OSBPL3: variants seen among roughly 807,000 people sequenced by gnomAD.
The protein encoded by OSBPL3 is oxysterol binding protein like 3, also known as oxysterol-binding protein-related protein 3.
A neutral mutation model predicts 120.1 loss-of-function variants in OSBPL3; 65 were observed. That is an observed-to-expected ratio of 0.54 (90% CI 0.44 to 0.67). The LOEUF (loss-of-function observed/expected upper bound fraction) is 0.67. Among genes scored for constraint, OSBPL3 ranks in the 30% least tolerant of loss-of-function variants. OSBPL3 has a pLI of 0.00. For missense variants in OSBPL3, 1,004 were observed against 1,082.1 expected (o/e 0.93, Z 1.01); for synonymous variants, 416 against 402.6 (o/e 1.03, Z -0.40).
In OSBPL3 at chr7:24,819,840, A is replaced by G. The variant is rs190791687; in HGVS notation, c.1948+335T>C. Among the ~76,000 whole-genome samples the G allele has an allele frequency of 1.5e-3, 223 of 152,372 alleles. 1 individual carries two copies. Among genetic ancestry groups the G allele is most frequent in the African/African-American group, 5.0e-3 (209 of 41,586 alleles). ...TGAAAAGAAGTAAGCAATGTAAAAC[A>G]CGACTTCAGAAATAAAATTTAAGTT... On this transcript the variant is annotated intron_variant, in intron 17 of 22. Transcript: ENST00000313367. This position sits in a 1 kb window ranked among gnomAD's most constrained non-coding sequence, Gnocchi z 4.1.
At position 24,802,424 on chromosome 7, in the gene OSBPL3, T is replaced by A. The variant is rs1175400594; in HGVS notation, c.2567+1891A>T. On this transcript the variant is annotated intron_variant, in intron 22 of 22. Transcript: ENST00000313367. This position sits in a 1 kb window ranked among gnomAD's most constrained non-coding sequence, Gnocchi z 4.1. ...AAAAAAATTTTCCCATCTAATACTA[T>A]GATCATTTTACAGACAGTCAAAAAG... Among the ~76,000 whole-genome samples, 1 of 152,226 alleles carries A rather than the reference T, an allele frequency of 6.6e-6. No homozygotes were observed. Among genetic ancestry groups the A allele is most frequent in the Admixed American group, 6.5e-5 (1 of 15,286 alleles).
At chr7:24,841,712 A>G (rs1464515187) in intron 13 of OSBPL3, among the ~76,000 whole-genome samples, 2 of 146,864 alleles carry the variant, frequency 1.4e-5, no homozygotes, top group African/African-American at 5.0e-5. Flanking sequence ...AAAAAAAAAA[A>G]AAAAAAAAAG....
Position 24,899,923 on chromosome 7 carries a change from G to C in OSBPL3, c.-149-7302C>G, listed in dbSNP as rs1358969555. Among the ~76,000 whole-genome samples the C allele has an allele frequency of 7.9e-5, 12 of 152,142 alleles. No homozygotes were observed. Among genetic ancestry groups the C allele is most frequent in the Admixed American group, 7.9e-4 (12 of 15,286 alleles). On this transcript the variant is annotated intron_variant, in intron 1 of 22. Transcript: ENST00000313367. This position sits in a 1 kb window ranked among gnomAD's most constrained non-coding sequence, Gnocchi z 4.0. Reference sequence around the variant, plus strand: ...TTAACACATGCCCTGGGTGATTTTTGCTTAAAGTTTGAGAACGTAACTGAC... The same window carrying C: ...TTAACACATGCCCTGGGTGATTTTTCCTTAAAGTTTGAGAACGTAACTGAC...
In OSBPL3 at chr7:24,946,244, G is replaced by A. The variant is rs777593905; in HGVS notation, c.-150+33642C>T. 5.3e-5 allele frequency among the ~76,000 whole-genome samples: 8 copies of A among 152,162 alleles called. No individual in the cohort carries two copies. Among genetic ancestry groups the A allele is most frequent in the Non-Finnish European group, 1.2e-4 (8 of 68,026 alleles). On this transcript the variant is annotated intron_variant, in intron 1 of 22. Transcript: ENST00000313367. This position sits in a 1 kb window ranked among gnomAD's most constrained non-coding sequence, Gnocchi z 4.3. ...ATACTTCTACTTGGCAGTTAGCATGGTCAGAGCTAATGTCCCAAGAGAAGT... is the reference window on the plus strand; with the variant it reads ...ATACTTCTACTTGGCAGTTAGCATGATCAGAGCTAATGTCCCAAGAGAAGT...
chr7:24,954,374 A>G (rs934173808), intron 1 of OSBPL3, among the ~76,000 whole-genome samples: 43 of 152,224 alleles, frequency 2.8e-4, no homozygotes, highest in Non-Finnish European at 1.5e-4. Context: ...AATAGCTTTA[A>G]AAGTTCTATA....
intron 12 of OSBPL3, among the ~76,000 whole-genome samples, chr7:24,843,417 G>A (rs1001193450): frequency 2.0e-5 from 3 of 152,136 alleles, no homozygotes; most frequent in Non-Finnish European, 4.4e-5. Context: ...TTTTTATTGG[G>A]CTAACAAAGG....
intron 1 of OSBPL3, among the ~76,000 whole-genome samples, 172 bp downstream of exon 1, chr7:24,979,714 A>C (rs930271957): frequency 1.3e-5 from 2 of 151,970 alleles, no homozygotes; most frequent in Non-Finnish European, 2.9e-5. Context: ...GCCGGCACCC[A>C]AGCTCCCAGG....
chr7:24,892,574 C>A lies in OSBPL3; in HGVS notation c.-102G>T. ...AGTGGCAGGTGGTTTAGCTCTTATC[C>A]AAAGTATTTAAAAAACATTTTGGGT... On this transcript the variant is annotated 5_prime_UTR_variant, in exon 2 of 23. It introduces an in-frame stop codon into an upstream open reading frame of the 5' UTR. Coordinates refer to ENST00000313367, the MANE Select transcript of OSBPL3 (RefSeq NM_015550.4). The A allele has an allele frequency of 6.9e-7, 1 of 1,459,806 alleles. No individual in the cohort carries two copies. 90.4% of individuals were successfully genotyped at this position (1,459,806 alleles called of 1,614,324 possible).
chr7:24,847,059 C>CAAAAAAAAAAAAAAAA (rs10712873), intron 12 of OSBPL3, among the ~76,000 whole-genome samples: 1 of 106,268 alleles, frequency 9.4e-6, no homozygotes. Context: ...GACTCTGTCT[C>CAAAAAAAAAAAAAAAA]AAAAAAAAAA....
rs116564105 is a variant in OSBPL3 at position 24,918,424 on chromosome 7, G to A, written c.-149-25803C>T. ...ACCCCAGAGAGAAAACATCTAGATA[G>A]AAGTATGTATTTGGAAGAAAGAAGT... On this transcript the variant is annotated intron_variant, in intron 1 of 22. Coordinates refer to ENST00000313367, the MANE Select transcript of OSBPL3 (RefSeq NM_015550.4). The surrounding 1 kb of genome is among the most constrained non-coding windows in gnomAD (Gnocchi z 4.3). Among the ~76,000 whole-genome samples, 3 of 152,144 alleles carry A rather than the reference G, an allele frequency of 2.0e-5. No homozygotes were observed. The highest frequency in any genetic ancestry group is 7.2e-5 in the African/African-American group (3 of 41,428).
chr7:24,928,106 T>C (rs894534940), intron 1 of OSBPL3, among the ~76,000 whole-genome samples: 6 of 152,110 alleles, frequency 3.9e-5, no homozygotes, highest in Non-Finnish European at 8.8e-5. Context: ...CCCTTCGCCT[T>C]CTGCCATGAT....
At chr7:24,840,603 C>T in intron 14 of OSBPL3, 87 bp downstream of exon 14, 1 of 561,380 alleles carries the variant, frequency 1.8e-6, no homozygotes, top group Non-Finnish European at 3.1e-6. Flanking sequence ...ACCTTGAACC[C>T]CCATATTGTT....
chr7:24,843,564 G>C (rs17150269), intron 12 of OSBPL3, among the ~76,000 whole-genome samples: 2 of 152,092 alleles, frequency 1.3e-5, no homozygotes, highest in Admixed American at 6.5e-5. Flanking sequence ...GCAGATTTTC[G>C]TAATTAATAA....
At position 24,819,706 on chromosome 7, in the gene OSBPL3, T is replaced by A. The variant is rs2128138599; in HGVS notation, c.1948+469A>T. 6.6e-6 allele frequency among the ~76,000 whole-genome samples: 1 copy of A among 152,266 alleles called. No homozygotes were observed. Among genetic ancestry groups the A allele is most frequent in the East Asian group, 1.9e-4 (1 of 5,188 alleles). On this transcript the variant is annotated intron_variant, in intron 17 of 22. Transcript: ENST00000313367. The surrounding 1 kb of genome is among the most constrained non-coding windows in gnomAD (Gnocchi z 4.1). ...TAAATTGAGAGATTAACAAAATTAA[T>A]CCATCTAGGAAATATCTATAGCCTT...
At chr7:24,840,530 A>G (rs566907748) in intron 14 of OSBPL3, among the ~76,000 whole-genome samples, 160 bp downstream of exon 14, 2 of 152,382 alleles carry the variant, frequency 1.3e-5, no homozygotes, top group East Asian at 3.9e-4. Flanking sequence ...ATCGAATGTT[A>G]GTAGTTACAT....
rs958225463 is a variant in OSBPL3 at position 24,797,077 on chromosome 7, G to C, written c.*3106C>G. Reference sequence around the variant, plus strand: ...GTCTGCGGAGATTCTGTAGTAGCCAGAAGGCATAACTTGTAGTGTATGTAG... The same window carrying C: ...GTCTGCGGAGATTCTGTAGTAGCCACAAGGCATAACTTGTAGTGTATGTAG... On this transcript the variant is annotated 3_prime_UTR_variant, in exon 23 of 23. Coordinates refer to ENST00000313367, the MANE Select transcript of OSBPL3 (RefSeq NM_015550.4). This position sits in a 1 kb window ranked among gnomAD's most constrained non-coding sequence, Gnocchi z 4.8. 3.9e-5 allele frequency: 6 copies of C among 152,222 alleles called. No homozygotes were observed. Among genetic ancestry groups the C allele is most frequent in the Non-Finnish European group, 7.3e-5 (5 of 68,042 alleles). The allele number at this position is 152,222 out of a possible 1,614,324, so 9.4% of individuals were successfully genotyped here. A position where few individuals can be genotyped will look rare whatever the true frequency, so the allele number is the denominator to read the frequency against.
At position 24,891,471 on chromosome 7, in the gene OSBPL3, C is replaced by T. The variant is rs570107016; in HGVS notation, c.96+906G>A. Among the ~76,000 whole-genome samples, 11 of 152,272 alleles carry T rather than the reference C, an allele frequency of 7.2e-5. No individual in the cohort carries two copies. The highest frequency in any genetic ancestry group is 2.6e-4 in the African/African-American group (11 of 41,550). ...TAATTGCTGCTTCCAATTCTGGAAC[C>T]AAAGACTCTGGGTGATTTCTCAGGC... On this transcript the variant is annotated intron_variant, in intron 2 of 22. Transcript: ENST00000313367. This position sits in a 1 kb window ranked among gnomAD's most constrained non-coding sequence, Gnocchi z 4.1.
At chr7:24,978,950 G>A (rs574555847) in intron 1 of OSBPL3, among the ~76,000 whole-genome samples, 1 of 152,330 alleles carries the variant, frequency 6.6e-6, no homozygotes, top group African/African-American at 2.4e-5. Context: ...GAAGGGCGGC[G>A]CGCCCCTGCT....
In OSBPL3 at chr7:24,805,443, A is replaced by G. The variant is rs1792906318; in HGVS notation, c.2445-1006T>C. Among the ~76,000 whole-genome samples the G allele has an allele frequency of 6.6e-6, 1 of 152,228 alleles. No homozygotes were observed. Among genetic ancestry groups the G allele is most frequent in the Admixed American group, 6.5e-5 (1 of 15,290 alleles). On this transcript the variant is annotated intron_variant, in intron 21 of 22. Coordinates refer to ENST00000313367, the MANE Select transcript of OSBPL3 (RefSeq NM_015550.4). The surrounding 1 kb of genome is among the most constrained non-coding windows in gnomAD (Gnocchi z 4.0). ...CACAAACTTAAGATAAATTTAATTG[A>G]AAATGTTCATCACAGAAATTAACAA...
Sources: allele counts gnomAD v4.1 joint callset (sites outside exome capture counted in the v4.1 genomes callset), GRCh38; gene constraint gnomAD v4.1.1; non-coding constraint Gnocchi (gnomAD v3.1); transcripts MANE v1.5; gene names NCBI Gene and HGNC (gene_info 2026-07-23, HGNC 2026-07-21).